Variants in GABRA5 observed in about 807,000 individuals in gnomAD.
GABRA5 encodes the protein gamma-aminobutyric acid type A receptor subunit alpha5, also known as gamma-aminobutyric acid receptor subunit alpha-5.
Under a neutral mutation model 47.3 loss-of-function variants are expected in GABRA5, and 18 were observed. The ratio of observed to expected loss-of-function variants is 0.38; its 90% CI spans 0.26 to 0.56. GABRA5 has a LOEUF of 0.56. GABRA5 is among the 20% of genes least tolerant of loss of function. The pLI is 0.71. For synonymous variants in GABRA5, 237 were observed against 229.3 expected (o/e 1.03, Z -0.30); for missense variants, 365 against 599.3 (o/e 0.61, Z 4.08).
chr15:26,924,198 G>T (rs995593517), intron 7 of GABRA5, among the ~76,000 whole-genome samples: 17 of 144,884 alleles, frequency 1.2e-4, no homozygotes, highest in African/African-American at 1.8e-4. Flanking sequence ...TCAGGGGAAG[G>T]TGTGGTACAG....
intron 7 of GABRA5, among the ~76,000 whole-genome samples, chr15:26,919,514 TTAC>T (rs1202990047): frequency 3.9e-5 from 6 of 152,184 alleles, no homozygotes; most frequent in Admixed American, 6.6e-5. Flanking sequence ...AGACTACACT[TTAC>T]TACTATTTCC....
chr15:26,913,693 A>G (rs1893652819), intron 6 of GABRA5, among the ~76,000 whole-genome samples: 1 of 152,136 alleles, frequency 6.6e-6, no homozygotes, highest in African/African-American at 2.4e-5. Flanking sequence ...TAATGGAAAG[A>G]AAAACTAACA....
chr15:26,890,290 A>C (rs1440921233), intron 6 of GABRA5, among the ~76,000 whole-genome samples: 1 of 152,104 alleles, frequency 6.6e-6, no homozygotes, highest in East Asian at 1.9e-4. Context: ...GAGACCACCT[A>C]TTACTTCCTC....
intron 8 of GABRA5, chr15:26,939,395 G>A: frequency 1.3e-6 from 1 of 765,310 alleles, no homozygotes; most frequent in Non-Finnish European, 2.4e-6. Context: ...GGTGGCAGAA[G>A]GGTTGAGCTG....
chr15:26,893,414 T>TGTGTGTAGTACGGTG (rs1893082499), intron 6 of GABRA5, among the ~76,000 whole-genome samples: 2 of 5,520 alleles, frequency 3.6e-4, no homozygotes, highest in African/African-American at 1.7e-3. Context: ...GTTGTGTGTG[T>TGTGTGTAGTACGGTG]TGTGTGTGTA....
chr15:26,936,517 G>A lies in GABRA5; in HGVS notation c.581-668G>A, dbSNP rs1266450964. ...CAAGTGATTAGATTGTGCCCCCTGG[G>A]AAAATCACATATAATCTTCTGATAT... On this transcript the variant is annotated intron_variant, in intron 7 of 10. Coordinates refer to ENST00000335625, the MANE Select transcript of GABRA5 (RefSeq NM_000810.4). Among the ~76,000 whole-genome samples, 3 of 152,290 alleles carry A rather than the reference G, an allele frequency of 2.0e-5. No individual in the cohort carries two copies. The East Asian group carries it at 5.8e-4, about 29-fold the overall frequency.
intron 9 of GABRA5, 24 bp from the exon 10 acceptor site, chr15:26,943,191 C>T: frequency 3.2e-6 from 5 of 1,538,782 alleles, no homozygotes; most frequent in Non-Finnish European, 4.4e-6. Context: ...CCGTTTTTCA[C>T]TCTGCCCTGC....
intron 7 of GABRA5, among the ~76,000 whole-genome samples, chr15:26,915,134 A>C (rs911129369): frequency 8.5e-5 from 13 of 152,192 alleles, no homozygotes; most frequent in African/African-American, 3.1e-4. Context: ...AACAATCTGG[A>C]ATGTGCCCCT....
chr15:26,901,451 TATGTCTTTTTTAGTAAG>T (rs1328251909), intron 6 of GABRA5, among the ~76,000 whole-genome samples: 1 of 152,196 alleles, frequency 6.6e-6, no homozygotes, highest in Non-Finnish European at 1.5e-5. Flanking sequence ...TTATCATCTG[TATGTCTTTTTTAGTAAG>T]ATGTTTGTTA....
intron 7 of GABRA5, among the ~76,000 whole-genome samples, chr15:26,923,149 A>C (rs769446370): frequency 1.3e-5 from 2 of 152,190 alleles, no homozygotes; most frequent in Non-Finnish European, 2.9e-5. Context: ...TCAATAGACA[A>C]AGGAAATTTT....
In GABRA5 at chr15:26,883,582, GGGCCGGGGGACGGTGCGGGGCAGGCGC is replaced by G. The variant is rs776191953; in HGVS notation, c.497+29_497+55del. Reference sequence around the variant, plus strand: ...GGTGAGCGCCGGGCGGGGGCGGGCGGGGCCGGGGGACGGTGCGGGGCAGGCGCGGCTGCCCATCCTGCCGCAAGAGCT... The same window carrying G: ...GGTGAGCGCCGGGCGGGGGCGGGCGGGGCTGCCCATCCTGCCGCAAGAGCT... On this transcript the variant is annotated intron_variant, in intron 6 of 10. Transcript: ENST00000335625. This position sits in a 1 kb window ranked among gnomAD's most constrained non-coding sequence, Gnocchi z 4.8. The G allele has an allele frequency of 3.4e-6, 5 of 1,460,388 alleles. No individual in the cohort carries two copies. The Admixed American group carries it at 9.8e-5, about 29-fold the overall frequency. The allele number at this position is 1,460,388 out of a possible 1,614,324, so 90.5% of individuals were successfully genotyped here. A position where few individuals can be genotyped will look rare whatever the true frequency, so the allele number is the denominator to read the frequency against.
At chr15:26,944,767 G>A (rs1416005087) in intron 10 of GABRA5, among the ~76,000 whole-genome samples, 1 of 152,176 alleles carries the variant, frequency 6.6e-6, no homozygotes, top group Non-Finnish European at 1.5e-5. Flanking sequence ...GTGCTTGTTT[G>A]TCACCTGCCT....
intron 3 of GABRA5, among the ~76,000 whole-genome samples, chr15:26,879,709 A>G (rs1566864541): frequency 6.6e-6 from 1 of 152,204 alleles, no homozygotes; most frequent in East Asian, 1.9e-4. Flanking sequence ...GCAGGCCTGC[A>G]TCGATTCTGA....
chr15:26,939,003 G>C (rs547741732), intron 8 of GABRA5, among the ~76,000 whole-genome samples: 184 of 152,316 alleles, frequency 1.2e-3, no homozygotes, highest in African/African-American at 4.1e-3. Context: ...ACAGACCAGG[G>C]CCTGCGCTGA....
chr15:26,881,827 G>T (rs1892735806), intron 4 of GABRA5, among the ~76,000 whole-genome samples: 1 of 152,168 alleles, frequency 6.6e-6, no homozygotes, highest in Admixed American at 6.5e-5. Flanking sequence ...AGCCTCCGGA[G>T]TAGCTGGGAT....
chr15:26,896,111 A>G (rs2140274603), intron 6 of GABRA5, among the ~76,000 whole-genome samples: 1 of 152,292 alleles, frequency 6.6e-6, no homozygotes, highest in African/African-American at 2.4e-5. Context: ...TTTGCCCGAC[A>G]TCATACAGAG....
At chr15:26,930,007 T>TTC (rs1491115860) in intron 7 of GABRA5, among the ~76,000 whole-genome samples, 464 of 16,124 alleles carry the variant, frequency 0.029, 5 homozygotes, top group Middle Eastern at 0.21. Context: ...CTTCTTCTTC[T>TTC]TTTTTTTTTT....
At chr15:26,882,742 C>T (rs946396412) in intron 4 of GABRA5, among the ~76,000 whole-genome samples, 4 of 152,148 alleles carry the variant, frequency 2.6e-5, no homozygotes, top group South Asian at 2.1e-4. Context: ...AAAGTCAGCT[C>T]CCCTCATCCT....
At chr15:26,910,078 TTC>T (rs1491081749) in intron 6 of GABRA5, among the ~76,000 whole-genome samples, 2 of 151,962 alleles carry the variant, frequency 1.3e-5, no homozygotes, top group African/African-American at 4.8e-5. Flanking sequence ...ATGTTTTTTT[TTC>T]TTTTTTTTGA....
Sources: gnomAD v4.1 joint callset for allele counts (sites outside exome capture counted in the v4.1 genomes callset) on GRCh38, gnomAD v4.1.1 for gene constraint, Gnocchi (gnomAD v3.1) non-coding constraint, MANE v1.5 for transcripts, NCBI Gene and HGNC (gene_info 2026-07-23, HGNC 2026-07-21) for gene names.